TAF3: variants seen among roughly 807,000 people sequenced by gnomAD.
The protein encoded by TAF3 is transcription initiation factor TFIID subunit 3.
TAF3 carries 7 observed loss-of-function variants against 80.6 expected under a neutral mutation model. That is an observed-to-expected ratio of 0.09 (90% CI 0.05 to 0.16). TAF3 has a LOEUF of 0.16. Ranked by LOEUF, TAF3 falls within the 10% of genes least tolerant of loss-of-function variation. TAF3 has a pLI of 1.00. For missense variants in TAF3, 921 were observed against 1,140.2 expected, an observed-to-expected ratio of 0.81 and a Z score of 2.77; for synonymous variants, 444 against 446.1, an observed-to-expected ratio of 1.00 and a Z score of 0.06.
At position 7,818,616 on chromosome 10, in the gene TAF3, A is replaced by G. The variant is rs1836655278; in HGVS notation, c.-94A>G. 1 of 1,374,858 alleles carries G rather than the reference A, an allele frequency of 7.3e-7. No homozygotes were observed. The allele number at this position is 1,374,858 out of a possible 1,614,324, so 85.2% of individuals were successfully genotyped here. A position where few individuals can be genotyped will look rare whatever the true frequency, so the allele number is the denominator to read the frequency against. On this transcript the variant is annotated 5_prime_UTR_variant, in exon 1 of 7. Coordinates refer to ENST00000344293, the MANE Select transcript of TAF3 (RefSeq NM_031923.4). ...CGGGGGACCCTTTCCCCGCCGCGGA[A>G]GCCCTAGAGGATGAATCGGGGACCC...
intron 2 of TAF3, among the ~76,000 whole-genome samples, chr10:7,849,299 A>G (rs1347144669): frequency 6.6e-6 from 1 of 152,186 alleles, no homozygotes; most frequent in Non-Finnish European, 1.5e-5. Flanking sequence ...TTTTAAAAAA[A>G]TTACTGAGCT....
intron 2 of TAF3, among the ~76,000 whole-genome samples, chr10:7,940,255 G>T (rs566657435): frequency 1.9e-4 from 29 of 152,274 alleles, no homozygotes; most frequent in African/African-American, 6.7e-4. Flanking sequence ...TGTGGAGTCT[G>T]AAAACATTTA....
intron 3 of TAF3, among the ~76,000 whole-genome samples, chr10:7,969,378 T>C (rs1023229069): frequency 2.0e-5 from 3 of 152,148 alleles, no homozygotes; most frequent in Admixed American, 1.3e-4. Flanking sequence ...AAATCTAACA[T>C]TACATTTCAG....
intron 2 of TAF3, among the ~76,000 whole-genome samples, chr10:7,930,103 C>T (rs1170823633): frequency 4.6e-5 from 7 of 152,056 alleles, no homozygotes; most frequent in African/African-American, 1.4e-4. Context: ...GAGCCTGAGG[C>T]GGGAGGATCA....
rs1019645978 is a variant in TAF3 at position 8,016,188 on chromosome 10, G to A, written c.*1437G>A. ...TTTACTTGATTTTGAAATAATCCCA[G>A]TGTAGGCCCATGTGCTGGATCTGTT... is the stretch of plus-strand genomic sequence containing the variant. On this transcript the variant is annotated 3_prime_UTR_variant, in exon 7 of 7. Transcript: ENST00000344293. 1 of 152,280 alleles carries A rather than the reference G, an allele frequency of 6.6e-6. No individual in the cohort carries two copies. Among genetic ancestry groups the A allele is most frequent in the Admixed American group, 6.5e-5 (1 of 15,286 alleles). 9.4% of individuals were successfully genotyped at this position (152,280 alleles called of 1,614,324 possible). A position where few individuals can be genotyped will look rare whatever the true frequency, so the allele number is the denominator to read the frequency against.
intron 2 of TAF3, among the ~76,000 whole-genome samples, chr10:7,902,328 C>A (rs1046909776): frequency 3.9e-5 from 6 of 152,050 alleles, no homozygotes; most frequent in Admixed American, 3.9e-4. Flanking sequence ...GAGGCTGAGG[C>A]AGGAGAATCA....
chr10:8,009,392 C>T lies in TAF3; in HGVS notation c.2568+62C>T. ...GTTTTCAGATCGAGACAAGTGTGTGCTCTGAATCACTATCGAATTTCAGAC... is the reference window on the plus strand; with the variant it reads ...GTTTTCAGATCGAGACAAGTGTGTGTTCTGAATCACTATCGAATTTCAGAC... On this transcript the variant is annotated intron_variant, in intron 5 of 6. Transcript: ENST00000344293. This position sits in a 1 kb window ranked among gnomAD's most constrained non-coding sequence, Gnocchi z 4.1. 1 of 1,508,342 alleles carries T rather than the reference C, an allele frequency of 6.6e-7. No homozygotes were observed. The highest frequency in any genetic ancestry group is 8.9e-7 in the Non-Finnish European group (1 of 1,128,656). The allele number at this position is 1,508,342 out of a possible 1,614,324, so 93.4% of individuals were successfully genotyped here.
chr10:7,863,686 C>CACATATATATAT (rs1489921154), intron 2 of TAF3, among the ~76,000 whole-genome samples: 3,824 of 80,274 alleles, frequency 0.048, 1,028 homozygotes, highest in South Asian at 0.12. Context: ...TATATATATA[C>CACATATATATAT]ACACACATAT....
intron 2 of TAF3, among the ~76,000 whole-genome samples, chr10:7,896,805 T>C (rs1176252932): frequency 1.4e-4 from 22 of 152,192 alleles, no homozygotes; most frequent in Non-Finnish European, 4.4e-5. Context: ...AGAAATTCAT[T>C]GTGGTTCATC....
intron 2 of TAF3, among the ~76,000 whole-genome samples, chr10:7,924,134 C>T (rs1189660539): frequency 6.6e-6 from 1 of 152,180 alleles, no homozygotes; most frequent in Non-Finnish European, 1.5e-5. Context: ...CGTTTGAATA[C>T]ATCATTCTTA....
chr10:7,976,396 G>C (rs1373328664), intron 3 of TAF3, among the ~76,000 whole-genome samples: 1 of 150,300 alleles, frequency 6.7e-6, no homozygotes, highest in Non-Finnish European at 1.5e-5. Context: ...ACAGGCACCC[G>C]CCACCATGAC....
intron 2 of TAF3, among the ~76,000 whole-genome samples, chr10:7,919,959 A>G (rs1837747112): frequency 6.6e-6 from 1 of 152,078 alleles, no homozygotes; most frequent in Non-Finnish European, 1.5e-5. Flanking sequence ...ATAATTTAAA[A>G]TTTAGGCTGG....
chr10:7,868,467 A>G (rs868241340), intron 2 of TAF3, among the ~76,000 whole-genome samples: 5 of 151,864 alleles, frequency 3.3e-5, no homozygotes, highest in Middle Eastern at 6.8e-3. Context: ...GACCATCAGG[A>G]GTGGAGGTGG....
chr10:7,955,728 T>C (rs1838128413), intron 2 of TAF3, among the ~76,000 whole-genome samples: 1 of 152,246 alleles, frequency 6.6e-6, no homozygotes, highest in Admixed American at 6.5e-5. Context: ...CAAAAATCCT[T>C]TTGGTGTGTC....
At chr10:7,841,219 T>G (rs571073304) in intron 2 of TAF3, among the ~76,000 whole-genome samples, 66 of 152,356 alleles carry the variant, frequency 4.3e-4, no homozygotes, top group African/African-American at 1.5e-3. Flanking sequence ...TATATACTGA[T>G]GGTGTGCCAT....
At chr10:7,863,708 C>CACACAT (rs1554778404) in intron 2 of TAF3, among the ~76,000 whole-genome samples, 9 of 81,406 alleles carry the variant, frequency 1.1e-4, no homozygotes, top group East Asian at 3.2e-4. Context: ...TATATATACA[C>CACACAT]ATATATATAT....
At chr10:7,826,868 A>G (rs1836747087) in intron 2 of TAF3, among the ~76,000 whole-genome samples, 1 of 152,126 alleles carries the variant, frequency 6.6e-6, no homozygotes, top group Non-Finnish European at 1.5e-5. Flanking sequence ...TCATGGGTAC[A>G]GCATGTTAGA....
chr10:7,864,588 A>G (rs185928993), intron 2 of TAF3, among the ~76,000 whole-genome samples: 1 of 150,596 alleles, frequency 6.6e-6, no homozygotes, highest in Admixed American at 6.6e-5. Context: ...TTCTGTGTAG[A>G]CTCGTGTTTT....
intron 2 of TAF3, among the ~76,000 whole-genome samples, chr10:7,874,913 T>A (rs1431036106): frequency 6.6e-6 from 1 of 152,150 alleles, no homozygotes; most frequent in Non-Finnish European, 1.5e-5. Context: ...ACAGCCATTT[T>A]AAAAAATCCT....
Sources: allele counts gnomAD v4.1 joint callset (sites outside exome capture counted in the v4.1 genomes callset), GRCh38; gene constraint gnomAD v4.1.1; non-coding constraint Gnocchi (gnomAD v3.1); transcripts MANE v1.5; gene names NCBI Gene and HGNC (gene_info 2026-07-23, HGNC 2026-07-21).